KCNH8: variants seen among roughly 807,000 people sequenced by gnomAD.
The protein encoded by KCNH8 is potassium voltage-gated channel subfamily H member 8.
Under a neutral mutation model 103.6 loss-of-function variants are expected in KCNH8, and 70 were observed. The ratio of observed to expected loss-of-function variants is 0.68; its 90% CI spans 0.56 to 0.82. The LOEUF (loss-of-function observed/expected upper bound fraction) is 0.82, where lower values mean the gene tolerates loss of function less well. KCNH8 is among the 40% of genes least tolerant of loss of function. The probability of loss-of-function intolerance (pLI) is 0.00; values close to 1 mark genes in which losing one functional copy is unlikely to be tolerated. For synonymous variants in KCNH8, 498 were observed against 489.4 expected (o/e 1.02, Z -0.23); for missense variants, 1,217 against 1,329.9 (o/e 0.92, Z 1.32).
At chr3:19,517,920 T>G in intron 14 of KCNH8, 78 bp from the exon 15 acceptor site, 1 of 1,172,100 alleles carries the variant, frequency 8.5e-7, no homozygotes, top group Non-Finnish European at 1.3e-6. Flanking sequence ...GGACTTTCTT[T>G]CATATTCTAA....
At chr3:19,230,916 T>C (rs1474727774) in intron 1 of KCNH8, among the ~76,000 whole-genome samples, 1 of 152,226 alleles carries the variant, frequency 6.6e-6, no homozygotes, top group Non-Finnish European at 1.5e-5. Flanking sequence ...AACTTTTAAC[T>C]TCTAGGAATT....
Position 19,456,775 on chromosome 3 carries a change from G to T in KCNH8, c.1833G>T (p.Gly611=). The T allele has an allele frequency of 1.9e-6, 3 of 1,607,194 alleles. No individual in the cohort carries two copies. The highest frequency in any genetic ancestry group is 2.6e-6 in the Non-Finnish European group (3 of 1,174,644). The change falls in exon 11 of 16, where the codon GGG becomes GGT. Residue 611 remains glycine (G), a synonymous_variant. Coordinates refer to ENST00000328405, the MANE Select transcript of KCNH8 (RefSeq NM_144633.3). ...DSMVLAILGK[G]DLIGANLSIK... is the part of the protein sequence containing the mutation. ...CTCTCTCTCTCTTTCTAGGGAAAGG[G>T]GATTTAATTGGAGCAAATCTATCAA...
At chr3:19,386,102 G>A (rs1399082879) in intron 5 of KCNH8, among the ~76,000 whole-genome samples, 1 of 152,026 alleles carries the variant, frequency 6.6e-6, no homozygotes, top group African/African-American at 2.4e-5. Flanking sequence ...AGTTCTTGAG[G>A]AAATCAAACT....
intron 8 of KCNH8, among the ~76,000 whole-genome samples, chr3:19,446,625 A>G (rs1410538889): frequency 6.6e-6 from 1 of 151,998 alleles, no homozygotes; most frequent in Non-Finnish European, 1.5e-5. Flanking sequence ...GAGGGCAGCT[A>G]AGATTACCCA....
intron 5 of KCNH8, among the ~76,000 whole-genome samples, chr3:19,351,125 AG>A (rs1001936212): frequency 4.6e-5 from 7 of 152,240 alleles, no homozygotes; most frequent in African/African-American, 1.7e-4. Flanking sequence ...AAGTGGAAGA[AG>A]GGGTATCAGT....
At chr3:19,169,243 G>GTTCC (rs367887117) in intron 1 of KCNH8, among the ~76,000 whole-genome samples, 57 of 139,308 alleles carry the variant, frequency 4.1e-4, no homozygotes, top group African/African-American at 1.4e-3. Context: ...TCACTCTTTT[G>GTTCC]TTTCTTTCTT....
At chr3:19,169,740 C>T (rs911907192) in intron 1 of KCNH8, among the ~76,000 whole-genome samples, 2 of 152,162 alleles carry the variant, frequency 1.3e-5, no homozygotes, top group African/African-American at 4.8e-5. Context: ...TTATATTATC[C>T]TGTTTTATAA....
chr3:19,169,050 A>C (rs2063312418), intron 1 of KCNH8, among the ~76,000 whole-genome samples: 1 of 152,142 alleles, frequency 6.6e-6, no homozygotes, highest in Non-Finnish European at 1.5e-5. Context: ...GAAAACATCG[A>C]ATCTGTCACC....
chr3:19,520,887 T>C (rs2068960439), intron 15 of KCNH8, among the ~76,000 whole-genome samples: 1 of 151,998 alleles, frequency 6.6e-6, no homozygotes, highest in Admixed American at 6.6e-5. Context: ...TTCATAATCA[T>C]AATCTGCAAG....
intron 2 of KCNH8, among the ~76,000 whole-genome samples, chr3:19,267,130 C>T (rs1347137373): frequency 6.6e-6 from 1 of 151,928 alleles, no homozygotes; most frequent in Admixed American, 6.6e-5. Flanking sequence ...GGAGGTTGGG[C>T]CAATAAAGGC....
At chr3:19,484,082 G>A (rs907951575) in intron 11 of KCNH8, among the ~76,000 whole-genome samples, 21 of 151,926 alleles carry the variant, frequency 1.4e-4, no homozygotes, top group Admixed American at 5.2e-4. Context: ...CAAATTTCAA[G>A]ATTATGCATT....
chr3:19,490,440 T>C (rs2068294269), intron 11 of KCNH8, among the ~76,000 whole-genome samples: 1 of 152,164 alleles, frequency 6.6e-6, no homozygotes, highest in Non-Finnish European at 1.5e-5. Context: ...AGTATGTGAC[T>C]GGGGGCTGCA....
At chr3:19,338,655 T>C (rs2065617542) in intron 3 of KCNH8, among the ~76,000 whole-genome samples, 1 of 152,128 alleles carries the variant, frequency 6.6e-6, no homozygotes, top group Non-Finnish European at 1.5e-5. Flanking sequence ...CTGGTTGTAG[T>C]CATGTGATTA....
At chr3:19,174,318 T>C (rs1223267628) in intron 1 of KCNH8, among the ~76,000 whole-genome samples, 4 of 152,210 alleles carry the variant, frequency 2.6e-5, no homozygotes, top group African/African-American at 9.6e-5. Context: ...CAAATACATT[T>C]GAATAAAATA....
chr3:19,182,808 A>G (rs889085363), intron 1 of KCNH8, among the ~76,000 whole-genome samples: 21 of 152,226 alleles, frequency 1.4e-4, no homozygotes, highest in African/African-American at 4.8e-4. Flanking sequence ...ATAAAATAAC[A>G]AGAACAGAAT....
chr3:19,325,463 G>A (rs1240924291), intron 3 of KCNH8, among the ~76,000 whole-genome samples: 1 of 152,070 alleles, frequency 6.6e-6, no homozygotes, highest in African/African-American at 2.4e-5. Flanking sequence ...CTAATATCCA[G>A]CATCTATAAG....
At chr3:19,489,332 A>C (rs993933510) in intron 11 of KCNH8, among the ~76,000 whole-genome samples, 1 of 152,074 alleles carries the variant, frequency 6.6e-6, no homozygotes, top group African/African-American at 2.4e-5. Flanking sequence ...GTGGAGCGAG[A>C]ACCTTCCTTA....
At chr3:19,241,907 C>T (rs1466829175) in intron 1 of KCNH8, among the ~76,000 whole-genome samples, 1 of 151,822 alleles carries the variant, frequency 6.6e-6, no homozygotes, top group Non-Finnish European at 1.5e-5. Flanking sequence ...AAAAATAGGC[C>T]ATGATGATAG....
chr3:19,470,680 G>C (rs17005998), intron 11 of KCNH8, among the ~76,000 whole-genome samples: 6,600 of 152,212 alleles, frequency 0.043, 345 homozygotes, highest in East Asian at 0.26. Context: ...GTTGAGATAA[G>C]AGACAAGAAC....
Sources: allele counts gnomAD v4.1 joint callset (sites outside exome capture counted in the v4.1 genomes callset), GRCh38; gene constraint gnomAD v4.1.1; transcripts MANE v1.5; gene names NCBI Gene and HGNC (gene_info 2026-07-23, HGNC 2026-07-21).